FRMD4A: variants seen among roughly 807,000 people sequenced by gnomAD.
The protein encoded by FRMD4A is FERM domain-containing protein 4A.
A neutral mutation model predicts 129.1 loss-of-function variants in FRMD4A; 29 were observed. That is an observed-to-expected ratio of 0.22 (90% CI 0.17 to 0.31). FRMD4A has a LOEUF of 0.31. Ranked by LOEUF, FRMD4A falls within the 10% of genes least tolerant of loss-of-function variation. FRMD4A has a pLI of 1.00. For synonymous variants in FRMD4A, 634 were observed against 571.6 expected (o/e 1.11, Z -1.56); for missense variants, 1,272 against 1,375.8 (o/e 0.92, Z 1.19).
intron 2 of FRMD4A, among the ~76,000 whole-genome samples, chr10:14,203,505 A>T (rs910497739): frequency 6.6e-6 from 1 of 152,264 alleles, no homozygotes; most frequent in African/African-American, 2.4e-5. Flanking sequence ...AATGGTAGTT[A>T]ATTAACAATA....
Position 13,765,935 on chromosome 10 carries a change from T to A in FRMD4A, c.385-3255A>T, listed in dbSNP as rs1407301374. Among the ~76,000 whole-genome samples, 3 of 152,204 alleles carry A rather than the reference T, an allele frequency of 2.0e-5. No individual in the cohort carries two copies. The East Asian group carries it at 5.8e-4, about 29-fold the overall frequency. ...TTCTGTCAAACATTTACACCTTATGTTACAGCCAATGGTCGACTGCGGGCT... is the reference window on the plus strand; with the variant it reads ...TTCTGTCAAACATTTACACCTTATGATACAGCCAATGGTCGACTGCGGGCT... On this transcript the variant is annotated intron_variant, in intron 6 of 24. Transcript: ENST00000357447.
chr10:13,838,627 G>A (rs892620379), intron 3 of FRMD4A, among the ~76,000 whole-genome samples: 1 of 152,078 alleles, frequency 6.6e-6, no homozygotes, highest in Non-Finnish European at 1.5e-5. Flanking sequence ...CAAGTAGCTG[G>A]GATTACAGGC....
chr10:13,990,366 A>C (rs1443617323), intron 2 of FRMD4A, among the ~76,000 whole-genome samples: 2 of 152,060 alleles, frequency 1.3e-5, no homozygotes, highest in Non-Finnish European at 2.9e-5. Context: ...AGGGAGGAGG[A>C]AGTAAGGACT....
At chr10:14,116,573 T>TA (rs1360587713) in intron 2 of FRMD4A, among the ~76,000 whole-genome samples, 1 of 152,146 alleles carries the variant, frequency 6.6e-6, no homozygotes, top group African/African-American at 2.4e-5. Context: ...GAGGAAGCCT[T>TA]ACAATCACAG....
At chr10:14,144,551 T>C (rs1350281613) in intron 2 of FRMD4A, among the ~76,000 whole-genome samples, 1 of 152,184 alleles carries the variant, frequency 6.6e-6, no homozygotes, top group Non-Finnish European at 1.5e-5. Flanking sequence ...ACCACCTCAC[T>C]GACAATAGGG....
chr10:14,067,215 C>T (rs1191341831), intron 2 of FRMD4A, among the ~76,000 whole-genome samples: 1 of 151,862 alleles, frequency 6.6e-6, no homozygotes, highest in Non-Finnish European at 1.5e-5. Flanking sequence ...ACTCGGGAGG[C>T]TGAGGCAGGA....
At chr10:14,073,454 T>A (rs1195067579) in intron 2 of FRMD4A, among the ~76,000 whole-genome samples, 1 of 152,150 alleles carries the variant, frequency 6.6e-6, no homozygotes, top group Non-Finnish European at 1.5e-5. Context: ...CCCATCAGTC[T>A]TTGTGTGGTT....
intron 2 of FRMD4A, among the ~76,000 whole-genome samples, chr10:14,084,242 G>C (rs11812220): frequency 0.076 from 11,573 of 152,218 alleles, 535 homozygotes; most frequent in East Asian, 0.21. Context: ...CGCCTCCTGG[G>C]TTCAAGTGAT....
chr10:14,191,803 T>TCTCTC (rs201231285), intron 2 of FRMD4A, among the ~76,000 whole-genome samples: 2 of 114,330 alleles, frequency 1.7e-5, no homozygotes, highest in African/African-American at 5.4e-5. Context: ...TGTTTTTTTT[T>TCTCTC]TTTCTCTCTC....
intron 2 of FRMD4A, among the ~76,000 whole-genome samples, chr10:14,109,310 C>T (rs1391858807): frequency 6.6e-6 from 1 of 151,878 alleles, no homozygotes; most frequent in Non-Finnish European, 1.5e-5. Flanking sequence ...CATTTGTTCT[C>T]TTCCATAGTC....
chr10:14,260,124 T>C (rs990161079), intron 2 of FRMD4A, among the ~76,000 whole-genome samples: 1 of 151,656 alleles, frequency 6.6e-6, no homozygotes, highest in African/African-American at 2.4e-5. Context: ...AGGGAGAACA[T>C]CGTGGAAAGA....
chr10:13,842,366 G>A (rs908274814), intron 3 of FRMD4A, among the ~76,000 whole-genome samples: 4 of 152,090 alleles, frequency 2.6e-5, no homozygotes, highest in Admixed American at 6.6e-5. Flanking sequence ...CCATTCATTC[G>A]TGCATGAGCC....
chr10:13,813,133 G>C (rs1197659206), intron 3 of FRMD4A, among the ~76,000 whole-genome samples: 1 of 152,228 alleles, frequency 6.6e-6, no homozygotes, highest in African/African-American at 2.4e-5. Context: ...CTATGAGGTA[G>C]TGTGGCTGCT....
chr10:14,160,225 C>G (rs986369000), intron 2 of FRMD4A, among the ~76,000 whole-genome samples: 3 of 152,132 alleles, frequency 2.0e-5, no homozygotes, highest in Admixed American at 1.3e-4. Context: ...AACGAACATC[C>G]TCTTTAATAA....
intron 2 of FRMD4A, among the ~76,000 whole-genome samples, chr10:13,994,134 G>A (rs1045212835): frequency 2.7e-5 from 4 of 149,044 alleles, no homozygotes; most frequent in East Asian, 2.0e-4. Flanking sequence ...TCAGCCTCCC[G>A]AGTAGCTGGG....
intron 2 of FRMD4A, chr10:13,866,272 C>G: frequency 1.0e-6 from 1 of 980,802 alleles, no homozygotes; most frequent in Non-Finnish European, 1.2e-6. Flanking sequence ...GCTGACAGCA[C>G]GTCTTCCCCG....
intron 2 of FRMD4A, among the ~76,000 whole-genome samples, chr10:13,958,363 A>G (rs1475060466): frequency 7.0e-6 from 1 of 142,402 alleles, no homozygotes; most frequent in Non-Finnish European, 1.5e-5. Flanking sequence ...GGCTCACTGC[A>G]AGCTCCGCCT....
At chr10:13,733,537 C>T (rs976540375) in intron 12 of FRMD4A, among the ~76,000 whole-genome samples, 2 of 152,356 alleles carry the variant, frequency 1.3e-5, no homozygotes, top group South Asian at 2.1e-4. Flanking sequence ...ATTCTCCTGC[C>T]TCAGCTTCCC....
At chr10:14,179,756 G>A (rs560602385) in intron 2 of FRMD4A, among the ~76,000 whole-genome samples, 4 of 152,292 alleles carry the variant, frequency 2.6e-5, no homozygotes, top group East Asian at 1.9e-4. Context: ...AGAATGGGCC[G>A]GGCGCGGTGG....
Sources: allele counts gnomAD v4.1 joint callset (sites outside exome capture counted in the v4.1 genomes callset), GRCh38; gene constraint gnomAD v4.1.1; transcripts MANE v1.5; gene names NCBI Gene and HGNC (gene_info 2026-07-23, HGNC 2026-07-21).